The following FAM118A variants were observed in gnomAD, a reference collection of about 807,000 sequenced individuals.
FAM118A encodes protein FAM118A.
FAM118A carries 25 observed loss-of-function variants against 38.2 expected under a neutral mutation model. The ratio of observed to expected loss-of-function variants is 0.65; its 90% CI spans 0.48 to 0.91. The LOEUF is 0.91. Ranked by LOEUF, FAM118A falls within the 40% of genes least tolerant of loss-of-function variation. The pLI is 0.00. For missense variants in FAM118A, 425 were observed against 463.3 expected (o/e 0.92, Z 0.76); for synonymous variants, 178 against 184.1 (o/e 0.97, Z 0.27).
chr22:45,335,241 C>A, intron 6 of FAM118A, 109 bp from the exon 7 acceptor site: 1 of 1,310,412 alleles, frequency 7.6e-7, no homozygotes, highest in Non-Finnish European at 1.1e-6. Context: ...CTGACCTGCC[C>A]AGAAGCCTGT....
intron 1 of FAM118A, among the ~76,000 whole-genome samples, chr22:45,319,814 G>C (rs1484337254): frequency 6.6e-6 from 1 of 152,174 alleles, no homozygotes; most frequent in Non-Finnish European, 1.5e-5. Flanking sequence ...TGGGAAGAAG[G>C]ATGTGTTAGG....
rs371242719 is a variant in FAM118A at position 45,337,075 on chromosome 22, G to A, written c.1054+664G>A. On this transcript the variant is annotated intron_variant, in intron 8 of 8. Coordinates refer to ENST00000441876, the MANE Select transcript of FAM118A (RefSeq NM_017911.4). ...CCCCTCCTCCTCCTCCCAGGTTTGC[G>A]TAGTGCTGTGTGTTATTTCTCATTC... Among the ~76,000 whole-genome samples, 35 of 152,208 alleles carry A rather than the reference G, an allele frequency of 2.3e-4. No homozygotes were observed. In the South Asian group the frequency reaches 6.0e-3, roughly 26 times the overall value.
intron 3 of FAM118A, among the ~76,000 whole-genome samples, chr22:45,325,787 C>G (rs2085220591): frequency 6.6e-6 from 1 of 152,116 alleles, no homozygotes; most frequent in Non-Finnish European, 1.5e-5. Flanking sequence ...AGAATCACCC[C>G]AAATTATGAC....
At chr22:45,320,230 C>T (rs1259732665) in intron 1 of FAM118A, among the ~76,000 whole-genome samples, 4 of 151,960 alleles carry the variant, frequency 2.6e-5, no homozygotes, top group South Asian at 2.1e-4. Flanking sequence ...TTTGGGAGGC[C>T]GATGCAGGCG....
chr22:45,313,170 A>G (rs2084449640), intron 1 of FAM118A, among the ~76,000 whole-genome samples: 1 of 152,180 alleles, frequency 6.6e-6, no homozygotes, highest in Non-Finnish European at 1.5e-5. Context: ...ATGAAGACCA[A>G]GTAGAGATTT....
In FAM118A at chr22:45,310,398, T is replaced by C. The variant is rs191778238; in HGVS notation, c.-10+215T>C. 8.1e-4 allele frequency among the ~76,000 whole-genome samples: 121 copies of C among 149,970 alleles called. 2 individuals are homozygous for C. The highest frequency in any genetic ancestry group is 2.7e-3 in the Admixed American group (41 of 15,148). On this transcript the variant is annotated intron_variant, in intron 1 of 8. Coordinates refer to ENST00000441876, the MANE Select transcript of FAM118A (RefSeq NM_017911.4). ...ATTTTCTCTGGACTCCGAGACCCCC[T>C]GAGGACCCCGGCCGCTAGTGGGCCC...
intron 3 of FAM118A, among the ~76,000 whole-genome samples, chr22:45,324,260 G>A (rs1424756654): frequency 3.3e-5 from 5 of 152,198 alleles, no homozygotes; most frequent in Admixed American, 2.0e-4. Context: ...CTAGAGACCC[G>A]GGTGGGCAGC....
At chr22:45,337,838 CTG>C in intron 8 of FAM118A, 4 of 985,406 alleles carry the variant, frequency 4.1e-6, no homozygotes, top group Non-Finnish European at 4.8e-6. Flanking sequence ...CTGCAGGTGT[CTG>C]TGCCATCCTC....
At chr22:45,329,366 T>C (rs1219090017) in intron 4 of FAM118A, 1 of 152,256 alleles carries the variant, frequency 6.6e-6, no homozygotes. Flanking sequence ...ATCCATTTCC[T>C]GTATCTTGCC....
intron 1 of FAM118A, among the ~76,000 whole-genome samples, chr22:45,312,454 T>C (rs1180829443): frequency 6.6e-6 from 1 of 152,024 alleles, no homozygotes; most frequent in African/African-American, 2.4e-5. Context: ...GGGTAGATCA[T>C]CTGAGGTCGG....
At chr22:45,331,676 G>A (rs373563203) in intron 5 of FAM118A, among the ~76,000 whole-genome samples, 3 of 152,156 alleles carry the variant, frequency 2.0e-5, no homozygotes, top group East Asian at 3.9e-4. Context: ...TCCCTGGGCC[G>A]GTGTCATTCC....
chr22:45,323,673 C>A (rs975883053), intron 3 of FAM118A, among the ~76,000 whole-genome samples: 1 of 152,278 alleles, frequency 6.6e-6, no homozygotes, highest in South Asian at 2.1e-4. Flanking sequence ...TGTGTGAGAT[C>A]GTCTCAGGGA....
intron 1 of FAM118A, among the ~76,000 whole-genome samples, chr22:45,314,431 G>A (rs1043491629): frequency 2.6e-5 from 4 of 152,202 alleles, no homozygotes; most frequent in African/African-American, 9.7e-5. Context: ...AAGTGTTGGG[G>A]TCACAGTGGA....
intron 1 of FAM118A, among the ~76,000 whole-genome samples, chr22:45,320,536 A>G: frequency 6.6e-6 from 1 of 151,716 alleles, no homozygotes; most frequent in Non-Finnish European, 1.5e-5. Flanking sequence ...TCCTGGGCTC[A>G]GGTGATTTTA....
At chr22:45,323,515 C>A in intron 3 of FAM118A, 88 bp downstream of exon 3, 1 of 1,515,982 alleles carries the variant, frequency 6.6e-7, no homozygotes, top group Non-Finnish European at 8.9e-7. Flanking sequence ...ACTCTGCAGG[C>A]CTAACTTGTG....
Position 45,321,704 on chromosome 22 carries a change from T to C in FAM118A, c.-9-667T>C, listed in dbSNP as rs779446356. The C allele has an allele frequency of 1.0e-3, 159 of 155,218 alleles. 1 individual carries two copies. The highest frequency in any genetic ancestry group is 1.9e-3 in the Non-Finnish European group (136 of 69,952). 9.6% of individuals were successfully genotyped at this position (155,218 alleles called of 1,614,324 possible). On this transcript the variant is annotated intron_variant, in intron 1 of 8. Transcript: ENST00000441876. ...CTGGGATTACAAGCATGAGCCACCA[T>C]GCCTGGTCTGATTTTGGAAAAATTA...
chr22:45,320,026 G>T (rs2084783235), intron 1 of FAM118A, among the ~76,000 whole-genome samples: 1 of 152,202 alleles, frequency 6.6e-6, no homozygotes, highest in Non-Finnish European at 1.5e-5. Flanking sequence ...ATTTTCAAAG[G>T]ATAACGGGGA....
intron 1 of FAM118A, among the ~76,000 whole-genome samples, chr22:45,317,897 C>G (rs1049622844): frequency 1.3e-5 from 2 of 152,084 alleles, no homozygotes; most frequent in Non-Finnish European, 1.5e-5. Flanking sequence ...TCCCATTTGC[C>G]GATATCTCAG....
chr22:45,338,985 G>C (rs1180298367), intron 8 of FAM118A, among the ~76,000 whole-genome samples: 2 of 152,244 alleles, frequency 1.3e-5, no homozygotes, highest in East Asian at 1.9e-4. Context: ...CTGGTGGCAG[G>C]GGGTGGGGGC....
Sources: allele counts gnomAD v4.1 joint callset (sites outside exome capture counted in the v4.1 genomes callset), GRCh38; gene constraint gnomAD v4.1.1; transcripts MANE v1.5; gene names NCBI Gene and HGNC (gene_info 2026-07-23, HGNC 2026-07-21).